Variants in NAV1 observed in about 807,000 individuals in gnomAD.
NAV1 encodes the protein neuron navigator 1.
NAV1 carries 18 observed loss-of-function variants against 175.2 expected under a neutral mutation model. That is an observed-to-expected ratio of 0.10 (90% CI 0.07 to 0.15). NAV1 has a LOEUF of 0.15. NAV1 is among the 10% of genes least tolerant of loss of function. NAV1 has a pLI of 1.00. For missense variants in NAV1, 1,731 were observed against 2,436.6 expected, an observed-to-expected ratio of 0.71 and a Z score of 6.10; for synonymous variants, 897 against 978.7, an observed-to-expected ratio of 0.92 and a Z score of 1.56.
intron 2 of NAV1, among the ~76,000 whole-genome samples, chr1:201,633,517 G>A (rs1043797210): frequency 7.2e-5 from 11 of 152,094 alleles, no homozygotes; most frequent in African/African-American, 2.7e-4. Flanking sequence ...TCACTCAGTC[G>A]CACACTGTCC....
At position 201,808,949 on chromosome 1, in the gene NAV1, T is replaced by C; in HGVS notation, c.4207+78T>C. 1.3e-6 allele frequency: 2 copies of C among 1,531,378 alleles called. No homozygotes were observed. Among genetic ancestry groups the C allele is most frequent in the Non-Finnish European group, 1.8e-6 (2 of 1,129,720 alleles). The allele number at this position is 1,531,378 out of a possible 1,614,324, so 94.9% of individuals were successfully genotyped here. A position where few individuals can be genotyped will look rare whatever the true frequency, so the allele number is the denominator to read the frequency against. On this transcript the variant is annotated intron_variant, in intron 20 of 29. Transcript: ENST00000367296. This position sits in a 1 kb window ranked among gnomAD's most constrained non-coding sequence, Gnocchi z 5.5. ...TTCACTGTTACACCATTCCACTTGC[T>C]TTGGTCAGGGCGGTAACAATGCCGA...
At chr1:201,786,302 TC>T in intron 8 of NAV1, 126 bp from the exon 13 acceptor site, 1 of 975,870 alleles carries the variant, frequency 1.0e-6, no homozygotes, top group Non-Finnish European at 1.5e-6. Flanking sequence ...CCCTGACCAC[TC>T]CCTCTTTTCC....
At position 201,788,575 on chromosome 1, in the gene NAV1, T is replaced by C. The variant is rs763377457; in HGVS notation, c.3103T>C (p.Ser1035Pro). ...CGGCTCCCAAATGGGGAGCACCCTG[T>C]CCCTGGCCGAGAGACCCAAGGGAAT... The change falls in exon 10 of 30, where the codon TCC (serine) becomes CCC (proline). Residue 1035 changes from serine (S) to proline (P), a missense_variant. By Grantham distance (74) the Ser-to-Pro change is moderately conservative. This residue lies in a region of NAV1 where 634 missense variants were observed against 766.8 expected (regional missense o/e 0.83). Coordinates refer to ENST00000367296, the Ensembl canonical transcript of NAV1. The surrounding 1 kb of genome is among the most constrained non-coding windows in gnomAD (Gnocchi z 5.7). The C allele has an allele frequency of 1.2e-6, 2 of 1,614,100 alleles. No individual in the cohort carries two copies. The highest frequency in any genetic ancestry group is 2.2e-5 in the South Asian group (2 of 91,080).
At chr1:201,628,670 G>T (rs1177857044) in intron 1 of NAV1, among the ~76,000 whole-genome samples, 1 of 152,150 alleles carries the variant, frequency 6.6e-6, no homozygotes, top group Non-Finnish European at 1.5e-5. Flanking sequence ...GCGGGCGGAT[G>T]GGTGGGCGGG....
intron 3 of NAV1, among the ~76,000 whole-genome samples, chr1:201,755,438 AGAAGAAGAGGAGGAGGAGGAG>A (rs1002300855): frequency 6.6e-6 from 1 of 152,172 alleles, no homozygotes; most frequent in Non-Finnish European, 1.5e-5. Flanking sequence ...AAGAAGAAAG[AGAAGAAGAGGAGGAGGAGGAG>A]GAAGAAGAGA....
In NAV1 at chr1:201,694,378, C is replaced by G. The variant is rs1671097016; in HGVS notation, c.758-18439C>G. ...AGGCAGCTGATTTCCCATCGCTTCT[C>G]TCATCCCTCCTTCTGAGCCTAGGGT... is the stretch of plus-strand genomic sequence containing the variant. On this transcript the variant is annotated intron_variant, in intron 1 of 29. Coordinates refer to ENST00000367296, the Ensembl canonical transcript of NAV1. This position sits in a 1 kb window ranked among gnomAD's most constrained non-coding sequence, Gnocchi z 4.2. Among the ~76,000 whole-genome samples the G allele has an allele frequency of 6.6e-6, 1 of 152,222 alleles. No individual in the cohort carries two copies. The highest frequency in any genetic ancestry group is 2.4e-5 in the African/African-American group (1 of 41,470).
intron 2 of NAV1, among the ~76,000 whole-genome samples, chr1:201,636,307 C>T (rs1490182197): frequency 6.6e-6 from 1 of 152,170 alleles, no homozygotes; most frequent in African/African-American, 2.4e-5. Flanking sequence ...CCCCCAAACC[C>T]CTTTGTAAGA....
upstream of NAV1, among the ~76,000 whole-genome samples, chr1:201,620,184 A>T (rs1668119106): frequency 6.6e-6 from 1 of 152,228 alleles, no homozygotes; most frequent in African/African-American, 2.4e-5. Flanking sequence ...AGCAACAGCC[A>T]TAAACAATTC....
intron 1 of NAV1, among the ~76,000 whole-genome samples, chr1:201,561,907 A>G (rs1571821824): frequency 6.6e-6 from 1 of 152,386 alleles, no homozygotes; most frequent in African/African-American, 2.4e-5. Context: ...GAGACTATCA[A>G]TGGTTGGAAC....
At position 201,718,296 on chromosome 1, in the gene NAV1, G is replaced by C. The variant is rs780372728; in HGVS notation, c.861-94G>C. 4.9e-4 allele frequency: 656 copies of C among 1,340,020 alleles called. 1 individual carries two copies. Among genetic ancestry groups the C allele is most frequent in the Non-Finnish European group, 5.6e-4 (579 of 1,025,000 alleles). 83.0% of individuals were successfully genotyped at this position (1,340,020 alleles called of 1,614,324 possible). Reference sequence around the variant, plus strand: ...TGGGGAGGAGGTGACAGGGCCTGTGGGTGGAGGGGAGGCATTGCTGGGGTG... The same window carrying C: ...TGGGGAGGAGGTGACAGGGCCTGTGCGTGGAGGGGAGGCATTGCTGGGGTG... On this transcript the variant is annotated intron_variant, in intron 2 of 29. Coordinates refer to ENST00000367296, the Ensembl canonical transcript of NAV1. The surrounding 1 kb of genome is among the most constrained non-coding windows in gnomAD (Gnocchi z 4.8).
Position 201,810,454 on chromosome 1 carries a change from GCCCTTTAGGAT to G in NAV1, c.4562-63_4562-53del, listed in dbSNP as rs1441488103. 15 of 1,419,822 alleles carry G rather than the reference GCCCTTTAGGAT, an allele frequency of 1.1e-5. No homozygotes were observed. Among genetic ancestry groups the G allele is most frequent in the Non-Finnish European group, 1.4e-5 (15 of 1,041,974 alleles). The allele number at this position is 1,419,822 out of a possible 1,614,324, so 88.0% of individuals were successfully genotyped here. A position where few individuals can be genotyped will look rare whatever the true frequency, so the allele number is the denominator to read the frequency against. ...GGGGCTCCTAGATAAAGAAAGAAAAGCCCTTTAGGATCCCTTGCTATCCTCAAGACCCTGGT... is the reference window on the plus strand; with the variant it reads ...GGGGCTCCTAGATAAAGAAAGAAAAGCCCTTGCTATCCTCAAGACCCTGGT... On this transcript the variant is annotated intron_variant, in intron 23 of 29. Transcript: ENST00000367296. This position sits in a 1 kb window ranked among gnomAD's most constrained non-coding sequence, Gnocchi z 6.0.
At chr1:201,642,540 TCTTTCTTTCTTTCTTTTTTCC>T (rs1310711923) in intron 2 of NAV1, among the ~76,000 whole-genome samples, 2 of 113,282 alleles carry the variant, frequency 1.8e-5, no homozygotes, top group African/African-American at 3.5e-5. Context: ...TTTCTTTCTT[TCTTTCTTTCTTTCTTTTTTCC>T]CTTTCTTCCC....
At chr1:201,549,689 C>T (rs1277723438) in intron 1 of NAV1, among the ~76,000 whole-genome samples, 1 of 151,284 alleles carries the variant, frequency 6.6e-6, no homozygotes, top group Non-Finnish European at 1.5e-5. Flanking sequence ...TACAGCCTGC[C>T]CAGCAACCAC....
chr1:201,749,538 C>T (rs1189602366), intron 3 of NAV1, among the ~76,000 whole-genome samples: 1 of 152,224 alleles, frequency 6.6e-6, no homozygotes, highest in Non-Finnish European at 1.5e-5. Flanking sequence ...TTCTGCTCCA[C>T]CAATCAAGTT....
chr1:201,715,129 G>A (rs10920237), intron 2 of NAV1, among the ~76,000 whole-genome samples: 69,299 of 150,294 alleles, frequency 0.46, 16,145 homozygotes, highest in African/African-American at 0.52. Flanking sequence ...TTCCACACTG[G>A]TAGCCAAAAC....
At chr1:201,774,893 G>A (rs188241602) in intron 3 of NAV1, among the ~76,000 whole-genome samples, 4 of 152,308 alleles carry the variant, frequency 2.6e-5, no homozygotes, top group Admixed American at 2.6e-4. Context: ...ATGGGAAGCT[G>A]GAAATCAGAC....
chr1:201,639,525 G>A (rs979711497), intron 2 of NAV1, among the ~76,000 whole-genome samples: 1 of 152,140 alleles, frequency 6.6e-6, no homozygotes, highest in Non-Finnish European at 1.5e-5. Flanking sequence ...CCTGGGGGCC[G>A]GGACACTTGG....
chr1:201,779,624 A>G (rs111784403), intron 3 of NAV1, among the ~76,000 whole-genome samples: 3 of 149,342 alleles, frequency 2.0e-5, no homozygotes, highest in African/African-American at 7.4e-5. Context: ...AAAAAAAAGA[A>G]CAGCCAAATG....
At chr1:201,672,838 G>T (rs1670094035) in intron 1 of NAV1, among the ~76,000 whole-genome samples, 1 of 152,226 alleles carries the variant, frequency 6.6e-6, no homozygotes, top group African/African-American at 2.4e-5. Context: ...CTGCCAAACA[G>T]ACTGGGCTCT....
Sources: allele counts gnomAD v4.1 joint callset (sites outside exome capture counted in the v4.1 genomes callset), GRCh38; gene constraint gnomAD v4.1.1; regional missense constraint gnomAD v4.1.1; non-coding constraint Gnocchi (gnomAD v3.1); transcripts MANE v1.5; gene names NCBI Gene and HGNC (gene_info 2026-07-23, HGNC 2026-07-21).